The following LRP1B variants were observed in gnomAD, a reference collection of about 807,000 sequenced individuals.
LRP1B encodes LDL receptor related protein 1B.
LRP1B carries 217 observed loss-of-function variants against 556.6 expected under a neutral mutation model. The ratio of observed to expected loss-of-function variants is 0.39; its 90% CI spans 0.35 to 0.44. LRP1B has a LOEUF of 0.44. Ranked by LOEUF, LRP1B falls within the 20% of genes least tolerant of loss-of-function variation. The pLI is 1.00. For synonymous variants in LRP1B, 2,047 were observed against 1,865.8 expected, an observed-to-expected ratio of 1.10 and a Z score of -2.50; for missense variants, 5,053 against 5,620.8, an observed-to-expected ratio of 0.90 and a Z score of 3.23.
chr2:141,998,825 TA>T (rs1194436917), intron 1 of LRP1B, among the ~76,000 whole-genome samples: 1 of 152,150 alleles, frequency 6.6e-6, no homozygotes, highest in Non-Finnish European at 1.5e-5. Context: ...TGGGTTAAGA[TA>T]GGGGGTTATG....
At chr2:141,361,145 G>A (rs773889243) in intron 3 of LRP1B, among the ~76,000 whole-genome samples, 2 of 151,956 alleles carry the variant, frequency 1.3e-5, no homozygotes, top group Non-Finnish European at 2.9e-5. Flanking sequence ...CTATATGAAA[G>A]TTTCATTACT....
chr2:140,989,595 A>C lies in LRP1B; in HGVS notation c.2707T>G (p.Trp903Gly), dbSNP rs761423927. The C allele has an allele frequency of 1.2e-6, 2 of 1,613,194 alleles. No homozygotes were observed. The highest frequency in any genetic ancestry group is 1.7e-6 in the Non-Finnish European group (2 of 1,179,490). The stretch of plus-strand genomic sequence containing the variant: ...CAGTCATTAGCTCCATCACAAAGCC[A>C]TCTCTTGGGGATGCAGCGATTATTC... ...CQNNRCIPKR[W>G]LCDGANDCGS... Residue 903 changes from tryptophan to glycine, a missense_variant, in exon 17 of 91, where the codon TGG becomes GGG. Trp to Gly is a radical substitution (Grantham distance 184). Around this residue, in one of 5 missense-constraint regions of LRP1B, gnomAD observed 3,619 missense variants for 3,931.9 expected, o/e 0.92. Coordinates refer to ENST00000389484, the MANE Select transcript of LRP1B (RefSeq NM_018557.3).
rs1028777053 is a variant in LRP1B, at chr2:140,453,121, A to C, written c.9964-2460T>G. On this transcript the variant is annotated intron_variant, in intron 62 of 90. Coordinates refer to ENST00000389484, the MANE Select transcript of LRP1B (RefSeq NM_018557.3). ...TAGTATGAGAACATCAGGTCTCCTGAGTATCCTCAAAGTCCAATTATGACT... is the reference window on the plus strand; with the variant it reads ...TAGTATGAGAACATCAGGTCTCCTGCGTATCCTCAAAGTCCAATTATGACT... 5.5e-4 allele frequency among the ~76,000 whole-genome samples: 83 copies of C among 152,012 alleles called. 3 individuals carry two copies. Among genetic ancestry groups the C allele is most frequent in the Admixed American group, 5.4e-3 (83 of 15,246 alleles).
intron 23 of LRP1B, chr2:140,898,812 G>A (rs1200444456): frequency 1.2e-5 from 6 of 513,630 alleles, no homozygotes; most frequent in Non-Finnish European, 2.3e-5. Context: ...TGTAGCCTAG[G>A]CCACCGGATG....
intron 2 of LRP1B, among the ~76,000 whole-genome samples, chr2:141,768,377 A>C (rs1009264042): frequency 1.3e-5 from 2 of 152,142 alleles, no homozygotes; most frequent in African/African-American, 4.8e-5. Flanking sequence ...CTTATTAATT[A>C]CTGACATATG....
intron 7 of LRP1B, among the ~76,000 whole-genome samples, chr2:141,111,281 T>A (rs550427340): frequency 6.6e-6 from 1 of 152,084 alleles, no homozygotes; most frequent in Non-Finnish European, 1.5e-5. Context: ...CAAATAAAAA[T>A]TCTAAAATCC....
chr2:141,109,862 C>T (rs1700704447), intron 7 of LRP1B, among the ~76,000 whole-genome samples: 1 of 152,080 alleles, frequency 6.6e-6, no homozygotes, highest in East Asian at 1.9e-4. Context: ...GGCTGAGGGC[C>T]TTCAATCAAC....
At chr2:140,413,424 C>T (rs35960939) in intron 66 of LRP1B, among the ~76,000 whole-genome samples, 13,879 of 152,100 alleles carry the variant, frequency 0.091, 750 homozygotes, top group Middle Eastern at 0.14. Context: ...AATCTGTCAC[C>T]GTGAACCTCT....
chr2:141,614,712 AAAG>A (rs58515846), intron 2 of LRP1B, among the ~76,000 whole-genome samples: 10,493 of 152,232 alleles, frequency 0.069, 478 homozygotes, highest in South Asian at 0.13. Flanking sequence ...ACCAAAAGCT[AAAG>A]AAGAGGCATA....
intron 77 of LRP1B, among the ~76,000 whole-genome samples, chr2:140,340,047 A>T (rs1681294076): frequency 6.6e-6 from 1 of 151,570 alleles, no homozygotes; most frequent in African/African-American, 2.4e-5. Flanking sequence ...CTTTGAATTA[A>T]AGACTCAATA....
intron 66 of LRP1B, among the ~76,000 whole-genome samples, chr2:140,432,834 G>A (rs1191695726): frequency 1.3e-5 from 2 of 152,152 alleles, no homozygotes; most frequent in African/African-American, 4.8e-5. Flanking sequence ...GCAAAACTGT[G>A]ATTAATTGAA....
chr2:141,705,504 C>T (rs147347101), intron 2 of LRP1B, among the ~76,000 whole-genome samples: 311 of 152,076 alleles, frequency 2.0e-3, no homozygotes, highest in Middle Eastern at 0.01. Context: ...TTAATGATTG[C>T]TTTTTCTAAC....
chr2:140,570,661 T>C (rs962352787), intron 43 of LRP1B, among the ~76,000 whole-genome samples: 1 of 151,634 alleles, frequency 6.6e-6, no homozygotes, highest in East Asian at 1.9e-4. Flanking sequence ...ATTCCTCAAA[T>C]CTCATTTTAT....
rs111954560 is a variant in LRP1B at position 141,570,745 on chromosome 2, T to C, written c.206-90212A>G. On this transcript the variant is annotated intron_variant, in intron 2 of 90. Coordinates refer to ENST00000389484, the MANE Select transcript of LRP1B (RefSeq NM_018557.3). ...GCCAAGGAGGCTGGACGGCTCTGTA[T>C]CAAGACTTCTCCCCACAGCCCAACA... Among the ~76,000 whole-genome samples, 302 of 151,436 alleles carry C rather than the reference T, an allele frequency of 2.0e-3. 3 individuals carry two copies. The highest frequency in any genetic ancestry group is 6.9e-3 in the African/African-American group (288 of 41,524).
At chr2:141,836,080 C>T (rs1685722320) in intron 1 of LRP1B, among the ~76,000 whole-genome samples, 3 of 151,896 alleles carry the variant, frequency 2.0e-5, no homozygotes, top group African/African-American at 7.2e-5. Flanking sequence ...ACATGTGCTG[C>T]CAAATCTGTG....
intron 6 of LRP1B, among the ~76,000 whole-genome samples, chr2:141,198,252 G>T (rs552048327): frequency 6.6e-6 from 1 of 152,180 alleles, no homozygotes; most frequent in East Asian, 1.9e-4. Context: ...AAACTGAGTT[G>T]AACAAACAAA....
intron 11 of LRP1B, among the ~76,000 whole-genome samples, chr2:141,022,285 CTTTGA>C (rs1160025359): frequency 6.8e-6 from 1 of 147,258 alleles, no homozygotes; most frequent in Non-Finnish European, 1.5e-5. Flanking sequence ...TCTGTTTGTG[CTTTGA>C]TTTTTTTTTC....
At chr2:141,684,607 A>G (rs1247083602) in intron 2 of LRP1B, among the ~76,000 whole-genome samples, 2 of 151,894 alleles carry the variant, frequency 1.3e-5, no homozygotes, top group South Asian at 2.1e-4. Context: ...GTAAAAAAAA[A>G]GAAAAAAAAA....
intron 66 of LRP1B, among the ~76,000 whole-genome samples, chr2:140,411,160 TA>T (rs1219743450): frequency 2.0e-5 from 3 of 152,180 alleles, no homozygotes; most frequent in African/African-American, 4.8e-5. Context: ...TGTACCTTGA[TA>T]AAAACTATTT....
Sources: allele counts gnomAD v4.1 joint callset (sites outside exome capture counted in the v4.1 genomes callset), GRCh38; gene constraint gnomAD v4.1.1; regional missense constraint gnomAD v4.1.1; transcripts MANE v1.5; gene names NCBI Gene and HGNC (gene_info 2026-07-23, HGNC 2026-07-21).